SIK3: variants seen among roughly 807,000 people sequenced by gnomAD.
SIK3 encodes the protein SIK family kinase 3, also known as serine/threonine-protein kinase SIK3.
A neutral mutation model predicts 144.2 loss-of-function variants in SIK3; 28 were observed. That is an observed-to-expected ratio of 0.19 (90% CI 0.14 to 0.27). The LOEUF (loss-of-function observed/expected upper bound fraction) is 0.27. Among genes scored for constraint, SIK3 ranks in the 10% least tolerant of loss-of-function variants. The pLI, the probability that SIK3 is intolerant of heterozygous loss-of-function variation, is 1.00. For synonymous variants in SIK3, 686 were observed against 676.3 expected, an observed-to-expected ratio of 1.01 and a Z score of -0.22; for missense variants, 1,319 against 1,776.0, an observed-to-expected ratio of 0.74 and a Z score of 4.62.
chr11:116,936,373 A>C (rs1429430038), intron 3 of SIK3, among the ~76,000 whole-genome samples: 1 of 152,086 alleles, frequency 6.6e-6, no homozygotes, highest in Non-Finnish European at 1.5e-5. Flanking sequence ...ACGGAGTTTC[A>C]CCATGTTGGT....
intron 23 of SIK3, 23 bp downstream of exon 23, chr11:116,847,453 G>A (rs1232802867): frequency 6.2e-7 from 1 of 1,613,860 alleles, no homozygotes; most frequent in African/African-American, 1.3e-5. Context: ...TCTCTGGAGT[G>A]CCCCATGCAT....
chr11:116,947,739 G>T (rs1205529081), intron 3 of SIK3, among the ~76,000 whole-genome samples: 1 of 150,474 alleles, frequency 6.6e-6, no homozygotes. Flanking sequence ...CTAATTTTTT[G>T]TATTTTTAGT....
At chr11:117,074,317 C>G (rs1954408658) in intron 1 of SIK3, among the ~76,000 whole-genome samples, 2 of 152,152 alleles carry the variant, frequency 1.3e-5, no homozygotes, top group Non-Finnish European at 2.9e-5. Context: ...TCTACTTCCT[C>G]TTATTTTCCC....
At chr11:116,997,500 A>C (rs1950709922) in intron 1 of SIK3, among the ~76,000 whole-genome samples, 1 of 152,246 alleles carries the variant, frequency 6.6e-6, no homozygotes, top group Admixed American at 6.5e-5. Context: ...AAATCACAGT[A>C]CTTACTGACT....
intron 1 of SIK3, among the ~76,000 whole-genome samples, chr11:117,079,597 C>T (rs1458827817): frequency 6.6e-6 from 1 of 152,096 alleles, no homozygotes; most frequent in Non-Finnish European, 1.5e-5. Context: ...TTCTACAACT[C>T]ATCCCCTATC....
intron 3 of SIK3, among the ~76,000 whole-genome samples, chr11:116,934,937 T>A (rs1401512628): frequency 6.6e-6 from 1 of 152,042 alleles, no homozygotes; most frequent in Non-Finnish European, 1.5e-5. Context: ...AAAAAAAAAT[T>A]AGCCGGGTGT....
At chr11:116,980,352 C>T (rs767162825) in intron 1 of SIK3, among the ~76,000 whole-genome samples, 3 of 152,062 alleles carry the variant, frequency 2.0e-5, no homozygotes, top group South Asian at 2.1e-4. Flanking sequence ...CCCTCTTTTC[C>T]GCTTATCACT....
rs1475814218 is a variant in SIK3 at position 116,931,797 on chromosome 11, C to CAGGGCG, written c.455-4423_455-4418dup. ...AAACAAACGCTTCTTTCCAAAAAAG[C>CAGGGCG]AGGGCGAGGCCAAGATAACTCAGCT... On this transcript the variant is annotated intron_variant, in intron 3 of 24. Coordinates refer to ENST00000445177, the MANE Select transcript of SIK3 (RefSeq NM_001366686.3). Among the ~76,000 whole-genome samples, 5 of 152,270 alleles carry CAGGGCG rather than the reference C, an allele frequency of 3.3e-5. No homozygotes were observed. In the East Asian group the frequency reaches 9.6e-4, roughly 29 times the overall value.
At chr11:117,023,621 A>AAAAAATATAT (rs754624841) in intron 1 of SIK3, among the ~76,000 whole-genome samples, 8 of 95,414 alleles carry the variant, frequency 8.4e-5, no homozygotes, top group African/African-American at 2.6e-4. Flanking sequence ...AAAAAAAAAA[A>AAAAAATATAT]ATATATATAT....
chr11:116,847,446 C>T, intron 23 of SIK3, 30 bp downstream of exon 23: 2 of 1,613,876 alleles, frequency 1.2e-6, no homozygotes, highest in Non-Finnish European at 1.7e-6. Flanking sequence ...AGGAACTTCT[C>T]TGGAGTGCCC....
chr11:117,029,467 T>C (rs1050937138), intron 1 of SIK3, among the ~76,000 whole-genome samples: 2 of 151,800 alleles, frequency 1.3e-5, no homozygotes, highest in African/African-American at 4.8e-5. Flanking sequence ...AAAAATAAAA[T>C]TAAAAATTAA....
chr11:116,991,089 G>C (rs1950484948), intron 1 of SIK3, among the ~76,000 whole-genome samples: 2 of 152,222 alleles, frequency 1.3e-5, no homozygotes, highest in African/African-American at 2.4e-5. Flanking sequence ...TCCAAGGTCA[G>C]AGAGAGAGCT....
chr11:116,908,287 G>A (rs1946158060), intron 4 of SIK3, among the ~76,000 whole-genome samples: 1 of 152,104 alleles, frequency 6.6e-6, no homozygotes, highest in Admixed American at 6.5e-5. Context: ...ACCAGCCTGG[G>A]CAAATACAGG....
At chr11:117,068,220 T>C (rs746961696) in intron 1 of SIK3, among the ~76,000 whole-genome samples, 1 of 152,120 alleles carries the variant, frequency 6.6e-6, no homozygotes, top group Non-Finnish European at 1.5e-5. Context: ...ACCCCAAAAA[T>C]GGCTCCTTAA....
chr11:117,077,577 G>C (rs1954606093), intron 1 of SIK3, among the ~76,000 whole-genome samples: 1 of 152,104 alleles, frequency 6.6e-6, no homozygotes, highest in African/African-American at 2.4e-5. Context: ...CTCAAATACA[G>C]ACAGGTGTTT....
chr11:116,890,595 C>CAATG (rs1945047835), intron 6 of SIK3, among the ~76,000 whole-genome samples: 1 of 152,088 alleles, frequency 6.6e-6, no homozygotes, highest in Admixed American at 6.5e-5. Flanking sequence ...GGAAGACATA[C>CAATG]AATGAAAGAA....
chr11:116,847,427 GGCCCCTC>G, intron 23 of SIK3, 42 bp downstream of exon 23: 1 of 1,609,784 alleles, frequency 6.2e-7, no homozygotes, highest in South Asian at 1.1e-5. Context: ...GATGGAGGGA[GGCCCCTC>G]CAGGAACTTC....
At chr11:116,961,731 G>A (rs1949354768) in intron 1 of SIK3, among the ~76,000 whole-genome samples, 1 of 152,056 alleles carries the variant, frequency 6.6e-6, no homozygotes, top group South Asian at 2.1e-4. Context: ...CTTCCAAAGA[G>A]CATGATTTTG....
intron 1 of SIK3, among the ~76,000 whole-genome samples, chr11:117,036,960 C>A (rs1952532487): frequency 6.6e-6 from 1 of 152,130 alleles, no homozygotes; most frequent in Admixed American, 6.5e-5. Context: ...ACTAATTAGT[C>A]ATGCAAGATC....
Sources: gnomAD v4.1 joint callset for allele counts (sites outside exome capture counted in the v4.1 genomes callset) on GRCh38, gnomAD v4.1.1 for gene constraint, MANE v1.5 for transcripts, NCBI Gene and HGNC (gene_info 2026-07-23, HGNC 2026-07-21) for gene names.